Variants in GRIK3 observed in about 807,000 individuals in gnomAD.
The protein encoded by GRIK3 is glutamate receptor ionotropic, kainate 3.
Under a neutral mutation model 102.5 loss-of-function variants are expected in GRIK3, and 29 were observed. That is an observed-to-expected ratio of 0.28 (90% CI 0.21 to 0.39). GRIK3 has a LOEUF of 0.39. Ranked by LOEUF, GRIK3 falls within the 10% of genes least tolerant of loss-of-function variation. The pLI is 1.00. For missense variants in GRIK3, 908 were observed against 1,252.4 expected (o/e 0.73, Z 4.15); for synonymous variants, 511 against 504.9 (o/e 1.01, Z -0.16).
intron 10 of GRIK3, among the ~76,000 whole-genome samples, chr1:36,828,020 G>C (rs899821419): frequency 6.6e-6 from 1 of 151,096 alleles, no homozygotes; most frequent in Admixed American, 6.6e-5. Flanking sequence ...GCAAGCTGCC[G>C]CCACCCCAGC....
chr1:36,945,993 A>C (rs767203535), intron 1 of GRIK3, among the ~76,000 whole-genome samples: 1 of 152,194 alleles, frequency 6.6e-6, no homozygotes, highest in Non-Finnish European at 1.5e-5. Flanking sequence ...TCTCTGTCCA[A>C]GGTGAAGAGC....
intron 1 of GRIK3, among the ~76,000 whole-genome samples, chr1:37,018,810 T>C (rs924694504): frequency 3.3e-5 from 5 of 151,972 alleles, no homozygotes; most frequent in Non-Finnish European, 7.4e-5. Context: ...GATTATTCCA[T>C]AAATCATTGT....
chr1:36,900,777 A>G (rs1641225082), intron 1 of GRIK3, among the ~76,000 whole-genome samples: 2 of 152,316 alleles, frequency 1.3e-5, no homozygotes, highest in Admixed American at 6.5e-5. Context: ...TGGTCATGTG[A>G]AAAGACAGAT....
intron 9 of GRIK3, among the ~76,000 whole-genome samples, chr1:36,845,357 A>G (rs939449080): frequency 1.7e-4 from 26 of 152,162 alleles, no homozygotes; most frequent in Admixed American, 1.6e-3. Context: ...TTTCTCTTCA[A>G]CAAGTCACGG....
intron 3 of GRIK3, among the ~76,000 whole-genome samples, chr1:36,874,882 T>C (rs1332790700): frequency 6.6e-6 from 1 of 152,138 alleles, no homozygotes; most frequent in Non-Finnish European, 1.5e-5. Context: ...ATCAGTGTAT[T>C]CCCAAAGGAG....
At chr1:36,858,086 G>A (rs1278651553) in intron 7 of GRIK3, among the ~76,000 whole-genome samples, 1 of 152,166 alleles carries the variant, frequency 6.6e-6, no homozygotes, top group Non-Finnish European at 1.5e-5. Context: ...CCTTCTAGAG[G>A]GCTTCCCCCA....
chr1:36,857,792 G>C (rs1296088965), intron 7 of GRIK3, among the ~76,000 whole-genome samples: 1 of 152,176 alleles, frequency 6.6e-6, no homozygotes, highest in Non-Finnish European at 1.5e-5. Context: ...TCCAAGGTGG[G>C]GAGTTTCTCT....
intron 11 of GRIK3, among the ~76,000 whole-genome samples, chr1:36,824,597 G>C (rs547915542): frequency 8.5e-5 from 13 of 152,212 alleles, no homozygotes; most frequent in African/African-American, 2.9e-4. Context: ...GGCTGAAAAC[G>C]CCAAGTCATT....
chr1:36,908,778 G>GGTGTGTGTGTGT lies in GRIK3; in HGVS notation c.116-17694_116-17683dup, dbSNP rs56228690. Among the ~76,000 whole-genome samples, 19 of 147,102 alleles carry GGTGTGTGTGTGT rather than the reference G, an allele frequency of 1.3e-4. 1 individual carries two copies. The highest frequency in any genetic ancestry group is 8.7e-4 in the South Asian group (4 of 4,600). On this transcript the variant is annotated intron_variant, in intron 1 of 15. Coordinates refer to ENST00000373091, the MANE Select transcript of GRIK3 (RefSeq NM_000831.4). ...CTGAGGCGGCTAAGAAATGGGATAG[G>GGTGTGTGTGTGT]GTGTGTGTGTGTGTGTGTGTGTGTG...
At chr1:36,885,632 C>T (rs1328577504) in intron 2 of GRIK3, among the ~76,000 whole-genome samples, 1 of 152,120 alleles carries the variant, frequency 6.6e-6, no homozygotes, top group African/African-American at 2.4e-5. Context: ...CTCCACCTCC[C>T]CTTTCCTGTC....
chr1:37,025,314 A>G (rs551470397), intron 1 of GRIK3, among the ~76,000 whole-genome samples: 12 of 152,312 alleles, frequency 7.9e-5, no homozygotes, highest in African/African-American at 2.9e-4. Flanking sequence ...GATGAGCGGC[A>G]TCATCATGAT....
intron 1 of GRIK3, among the ~76,000 whole-genome samples, chr1:36,969,828 A>C (rs1160054071): frequency 6.6e-6 from 1 of 152,244 alleles, no homozygotes; most frequent in African/African-American, 2.4e-5. Flanking sequence ...GAAATCACAG[A>C]GCTTTCCATG....
At chr1:36,841,568 C>T (rs1402690525) in intron 10 of GRIK3, among the ~76,000 whole-genome samples, 168 bp downstream of exon 10, 1 of 152,174 alleles carries the variant, frequency 6.6e-6, no homozygotes, top group African/African-American at 2.4e-5. Context: ...AGCTGGGGTG[C>T]ACTTCCTTCA....
At chr1:36,903,092 A>G (rs1641249190) in intron 1 of GRIK3, among the ~76,000 whole-genome samples, 2 of 152,140 alleles carry the variant, frequency 1.3e-5, no homozygotes, top group Non-Finnish European at 2.9e-5. Context: ...CGGCCTGATG[A>G]TGGACTATTA....
At chr1:36,816,965 TAGGGA>T in intron 13 of GRIK3, 90 bp downstream of exon 13, 5 of 820,350 alleles carry the variant, frequency 6.1e-6, no homozygotes, top group Non-Finnish European at 1.0e-5. Context: ...CATGCGTGGT[TAGGGA>T]AGGACAGAGA....
At chr1:36,911,371 G>C (rs181566229) in intron 1 of GRIK3, among the ~76,000 whole-genome samples, 1 of 152,318 alleles carries the variant, frequency 6.6e-6, no homozygotes, top group East Asian at 1.9e-4. Context: ...CTGAAACAGA[G>C]ATATTAATAG....
rs769279012 is a variant in GRIK3, at chr1:36,817,207, G to A, written c.1944C>T (p.Ile648=). Residue 648 remains isoleucine, a synonymous_variant, in exon 13 of 16, where the codon ATC becomes ATT. Transcript: ENST00000373091. ...GGTTGGCCGTGTAGGAAGAGATGAT[G>A]ATGAGCGTGAAGAACCACCAGATGC... ...IGGIWWFFTL[I]IISSYTANLA... 5.6e-6 allele frequency: 9 copies of A among 1,613,928 alleles called. No homozygotes were observed. Among genetic ancestry groups the A allele is most frequent in the Non-Finnish European group, 7.6e-6 (9 of 1,179,808 alleles).
At position 37,021,127 on chromosome 1, in the gene GRIK3, T is replaced by TGAGAGA. The variant is rs5773568; in HGVS notation, c.115+12861_115+12866dup. 5.6e-3 allele frequency among the ~76,000 whole-genome samples: 812 copies of TGAGAGA among 145,268 alleles called. 5 individuals carry two copies. The highest frequency in any genetic ancestry group is 9.3e-3 in the African/African-American group (367 of 39,354). ...GTGTGTGTGTGTGTGTGTGTGTCTGTGAGAGAGAGAGAGAGAGAGAGAGAG... is the reference window on the plus strand; with the variant it reads ...GTGTGTGTGTGTGTGTGTGTGTCTGTGAGAGAGAGAGAGAGAGAGAGAGAGAGAGAG... On this transcript the variant is annotated intron_variant, in intron 1 of 15. Transcript: ENST00000373091.
In GRIK3 at chr1:36,872,179, C is replaced by T. The variant is rs761983960; in HGVS notation, c.732+9G>A. The stretch of plus-strand genomic sequence containing the variant: ...CAGTCATCTGTCCCGGTGGCCAGCA[C>T]TCACGCACCTGCTTGAGGATCTGGG... On this transcript the variant is annotated intron_variant, in intron 4 of 15. Coordinates refer to ENST00000373091, the MANE Select transcript of GRIK3 (RefSeq NM_000831.4). This position sits in a 1 kb window ranked among gnomAD's most constrained non-coding sequence, Gnocchi z 5.9. 3.8e-6 allele frequency: 6 copies of T among 1,576,040 alleles called. No individual in the cohort carries two copies. The highest frequency in any genetic ancestry group is 1.8e-5 in the Admixed American group (1 of 57,062).
Sources: allele counts gnomAD v4.1 joint callset (sites outside exome capture counted in the v4.1 genomes callset), GRCh38; gene constraint gnomAD v4.1.1; non-coding constraint Gnocchi (gnomAD v3.1); transcripts MANE v1.5; gene names NCBI Gene and HGNC (gene_info 2026-07-23, HGNC 2026-07-21).